The following SRPX variants were observed in gnomAD, a reference collection of about 807,000 sequenced individuals.
SRPX encodes sushi repeat-containing protein SRPX.
SRPX carries 24 observed loss-of-function variants against 38.1 expected under a neutral mutation model. The ratio of observed to expected loss-of-function variants is 0.63; its 90% CI spans 0.46 to 0.89. SRPX has a LOEUF of 0.89. Among genes scored for constraint, SRPX ranks in the 40% least tolerant of loss-of-function variants. The probability of loss-of-function intolerance (pLI) is 0.00; values close to 1 mark genes in which losing one functional copy is unlikely to be tolerated. For synonymous variants in SRPX, 184 were observed against 153.8 expected (o/e 1.20, Z -1.45); for missense variants, 416 against 377.8 (o/e 1.10, Z -0.84).
intron 9 of SRPX, among the ~76,000 whole-genome samples, chrX:38,152,946 C>T (rs1938044220): frequency 8.9e-6 from 1 of 112,446 alleles, no homozygotes; most frequent in South Asian, 3.7e-4. Flanking sequence ...AAGTTTTGTA[C>T]ACTTCAACTT....
chrX:38,195,418 G>A (rs1161030905), intron 1 of SRPX, among the ~76,000 whole-genome samples: 1 of 95,477 alleles, frequency 1.0e-5, no homozygotes, highest in African/African-American at 4.0e-5. Context: ...CCCATATTAT[G>A]TAAATATTCT....
At chrX:38,204,629 C>T (rs987387180) in intron 1 of SRPX, among the ~76,000 whole-genome samples, 39 of 111,843 alleles carry the variant, frequency 3.5e-4, no homozygotes, top group African/African-American at 1.2e-3. Context: ...ATTTGGCGTT[C>T]ATCCAAGCTT....
At chrX:38,163,202 A>C (rs1454408793) in intron 5 of SRPX, among the ~76,000 whole-genome samples, 1 of 112,625 alleles carries the variant, frequency 8.9e-6, no homozygotes, top group Non-Finnish European at 1.9e-5. Flanking sequence ...ATGGGAGAGC[A>C]TAACTAGTAA....
In SRPX at chrX:38,220,803, C is replaced by T; in HGVS notation, c.-11G>A. Reference sequence around the variant, plus strand: ...TGCGGGGCTCCCCATGGCGAGCGGGCGCTTAGCTCGCCTCGGCAGCGCAGC... The same window carrying T: ...TGCGGGGCTCCCCATGGCGAGCGGGTGCTTAGCTCGCCTCGGCAGCGCAGC... On this transcript the variant is annotated 5_prime_UTR_variant, in exon 1 of 10. Transcript: ENST00000378533. The T allele has an allele frequency of 9.2e-7, 1 of 1,087,879 alleles. No individual in the cohort carries two copies. The highest frequency in any genetic ancestry group is 1.2e-6 in the Non-Finnish European group (1 of 842,973). 89.7% of individuals were successfully genotyped at this position (1,087,879 alleles called of 1,213,427 possible).
intron 1 of SRPX, among the ~76,000 whole-genome samples, chrX:38,207,662 C>T (rs1357069967): frequency 8.9e-6 from 1 of 112,119 alleles, no homozygotes; most frequent in Non-Finnish European, 1.9e-5. Flanking sequence ...GGCCACATGG[C>T]CTCAGAGAGC....
intron 2 of SRPX, among the ~76,000 whole-genome samples, chrX:38,175,059 T>G (rs1938543826): frequency 8.9e-6 from 1 of 112,262 alleles, no homozygotes; most frequent in Admixed American, 9.4e-5. Flanking sequence ...GTCTCATAGT[T>G]GCCCAAAGCA....
chrX:38,197,948 G>C (rs1409637305), intron 1 of SRPX, among the ~76,000 whole-genome samples: 1 of 112,162 alleles, frequency 8.9e-6, no homozygotes, highest in Admixed American at 9.4e-5. Flanking sequence ...ACTGAAGCTG[G>C]AAGTGTTCCC....
chrX:38,160,328 G>A, intron 6 of SRPX, 132 bp from the exon 7 acceptor site: 5 of 620,676 alleles, frequency 8.1e-6, no homozygotes, highest in Non-Finnish European at 1.2e-5. Flanking sequence ...GAGTGAGGGA[G>A]GAGGGATGAC....
At chrX:38,196,991 T>A (rs1448427668) in intron 1 of SRPX, among the ~76,000 whole-genome samples, 2 of 111,700 alleles carry the variant, frequency 1.8e-5, no homozygotes, top group Non-Finnish European at 3.8e-5. Context: ...CATGTGGACA[T>A]CTAAGGTGAG....
intron 1 of SRPX, among the ~76,000 whole-genome samples, chrX:38,184,251 AC>A (rs755236890): frequency 4.5e-5 from 5 of 111,593 alleles, no homozygotes; most frequent in Non-Finnish European, 9.4e-5. Context: ...TGATTATGAT[AC>A]CTGACCCAAA....
intron 1 of SRPX, among the ~76,000 whole-genome samples, chrX:38,205,505 T>C (rs766850681): frequency 8.9e-6 from 1 of 111,788 alleles, no homozygotes; most frequent in Non-Finnish European, 1.9e-5. Flanking sequence ...AATTTATCAA[T>C]TATACCTTTT....
rs761807719 is a variant in SRPX at position 38,149,893 on chromosome X, G to C, written c.1213C>G (p.Leu405Val). Residue 405 changes from leucine to valine, a missense_variant and splice_region_variant, in exon 10 of 10, where the codon CTG (leucine) becomes GTG (valine). Physicochemically the swap from Leu to Val is conservative, Grantham distance 32 (BLOSUM62 1). Coordinates refer to ENST00000378533, the MANE Select transcript of SRPX (RefSeq NM_006307.5). ...GAGTAGAGTGGGATTCGCAGCAACAGCCTGTGGCAGACAAAGAAAAGAGGA... is the reference window on the plus strand; with the variant it reads ...GAGTAGAGTGGGATTCGCAGCAACACCCTGTGGCAGACAAAGAAAAGAGGA... The part of the protein sequence containing the change: ...MPPALALQLR[L>V]LLRIPLYSFS... 2 of 1,198,707 alleles carry C rather than the reference G, an allele frequency of 1.7e-6. No homozygotes were observed. Among genetic ancestry groups the C allele is most frequent in the South Asian group, 1.8e-5 (1 of 54,091 alleles).
chrX:38,216,315 G>C (rs6521110), intron 1 of SRPX, among the ~76,000 whole-genome samples: 1 of 111,747 alleles, frequency 8.9e-6, no homozygotes, highest in African/African-American at 3.2e-5. Flanking sequence ...AGAAAGCTAC[G>C]AGAGAGAAGA....
intron 1 of SRPX, among the ~76,000 whole-genome samples, chrX:38,209,883 T>C (rs1939286492): frequency 8.9e-6 from 1 of 112,085 alleles, no homozygotes; most frequent in Admixed American, 9.4e-5. Flanking sequence ...CAGATGATGC[T>C]ACCCAAAGGT....
intron 1 of SRPX, among the ~76,000 whole-genome samples, chrX:38,205,615 G>T (rs1426765373): frequency 9.0e-6 from 1 of 111,601 alleles, no homozygotes; most frequent in Non-Finnish European, 1.9e-5. Context: ...CATATTTATA[G>T]GCTTTATATT....
At chrX:38,171,326 TG>T (rs997480989) in intron 4 of SRPX, among the ~76,000 whole-genome samples, 4 of 111,082 alleles carry the variant, frequency 3.6e-5, no homozygotes, top group Non-Finnish European at 3.8e-5. Flanking sequence ...CAGCAGGTGG[TG>T]GGGGTGGGTT....
intron 1 of SRPX, among the ~76,000 whole-genome samples, chrX:38,190,209 G>T (rs1938873835): frequency 4.5e-5 from 5 of 112,204 alleles, no homozygotes; most frequent in Admixed American, 1.9e-4. Flanking sequence ...TTAATTGCCA[G>T]CTGTAGATTG....
chrX:38,211,629 G>A (rs765462798), intron 1 of SRPX, among the ~76,000 whole-genome samples: 160 of 110,600 alleles, frequency 1.4e-3, no homozygotes, highest in African/African-American at 5.0e-3. Context: ...GAACCTTGGA[G>A]GTGGAGGTTG....
chrX:38,164,395 G>A (rs758340918), intron 5 of SRPX, among the ~76,000 whole-genome samples: 8 of 111,692 alleles, frequency 7.2e-5, no homozygotes, highest in East Asian at 2.8e-4. Flanking sequence ...CGCCTGCCTC[G>A]TCCTCACAAA....
Sources: allele counts gnomAD v4.1 joint callset (sites outside exome capture counted in the v4.1 genomes callset), GRCh38; gene constraint gnomAD v4.1.1; transcripts MANE v1.5; gene names NCBI Gene and HGNC (gene_info 2026-07-23, HGNC 2026-07-21).